C12orf42: variants seen among roughly 807,000 people sequenced by gnomAD.
C12orf42 encodes uncharacterized protein C12orf42.
A neutral mutation model predicts 21.6 loss-of-function variants in C12orf42; 25 were observed. The observed-to-expected ratio is 1.16, with a 90% confidence interval of 0.84 to 1.62. The LOEUF (loss-of-function observed/expected upper bound fraction) is 1.62, where lower values mean the gene tolerates loss of function less well. Ranked by LOEUF, C12orf42 falls within the 40% of genes most tolerant of loss-of-function variation. The probability of loss-of-function intolerance (pLI) is 0.00; values close to 1 mark genes in which losing one functional copy is unlikely to be tolerated. For synonymous variants in C12orf42, 174 were observed against 175.0 expected (o/e 0.99, Z 0.05); for missense variants, 483 against 459.3 (o/e 1.05, Z -0.47).
chr12:103,116,381 A>AAAATATATATATATATAT, the C12orf42 span, among the ~76,000 whole-genome samples: 3 of 136,712 alleles, frequency 2.2e-5, no homozygotes, highest in African/African-American at 8.2e-5. Context: ...AAAAAAAAAA[A>AAAATATATATATATATAT]ATATATATAT....
the C12orf42 span, among the ~76,000 whole-genome samples, chr12:103,186,187 A>T: frequency 6.6e-6 from 1 of 152,206 alleles, no homozygotes; most frequent in Non-Finnish European, 1.5e-5. Flanking sequence ...GAACTAGGTC[A>T]AGAAAGCTAC....
chr12:103,130,084 C>A, the C12orf42 span, among the ~76,000 whole-genome samples: 2 of 152,026 alleles, frequency 1.3e-5, no homozygotes, highest in African/African-American at 4.8e-5. Context: ...TGGCACCTGG[C>A]GTTTTATAAT....
chr12:103,313,119 G>A (rs1264234725), intron 4 of C12orf42, among the ~76,000 whole-genome samples: 1 of 152,100 alleles, frequency 6.6e-6, no homozygotes, highest in African/African-American at 2.4e-5. Context: ...GTCCTAAAAG[G>A]AGAAATGAAA....
the C12orf42 span, among the ~76,000 whole-genome samples, chr12:103,055,964 T>C: frequency 6.6e-6 from 1 of 152,070 alleles, no homozygotes; most frequent in African/African-American, 2.4e-5. Context: ...CATGATATAG[T>C]CTATTTTGGT....
chr12:103,068,813 A>G, the C12orf42 span, among the ~76,000 whole-genome samples: 1 of 150,212 alleles, frequency 6.7e-6, no homozygotes, highest in African/African-American at 2.4e-5. Context: ...CTCAGCTTGC[A>G]GATGGCCTAT....
At chr12:103,180,903 C>T in the C12orf42 span, among the ~76,000 whole-genome samples, 4 of 151,888 alleles carry the variant, frequency 2.6e-5, no homozygotes, top group African/African-American at 9.7e-5. Flanking sequence ...GCTGGCATTA[C>T]AGGCATAAGC....
chr12:103,441,358 C>A (rs984559558), intron 2 of C12orf42: 1 of 152,020 alleles, frequency 6.6e-6, no homozygotes, highest in Non-Finnish European at 1.5e-5. Context: ...TTTTTCCTGT[C>A]GATATAAAAC....
chr12:103,282,724 C>T lies in C12orf42; in HGVS notation n.338-5514G>A, dbSNP rs566599074. On this transcript the variant is annotated intron_variant and non_coding_transcript_variant, in intron 4 of 6. Transcript: ENST00000546526. ...AGCGATGAGGACTCTAATTAAAGTA[C>T]GTAAAGCAGAAGGTCAGCTTTAATT... is the stretch of plus-strand genomic sequence containing the variant. 1.5e-4 allele frequency among the ~76,000 whole-genome samples: 23 copies of T among 152,286 alleles called. No individual in the cohort carries two copies. The South Asian group carries it at 4.1e-3, about 27-fold the overall frequency.
At chr12:103,228,859 A>C in the C12orf42 span, among the ~76,000 whole-genome samples, 4 of 151,312 alleles carry the variant, frequency 2.6e-5, no homozygotes, top group East Asian at 7.8e-4. Context: ...GAAGCATTCT[A>C]GATCAAGCCC....
At chr12:103,129,414 G>T in the C12orf42 span, among the ~76,000 whole-genome samples, 7 of 152,106 alleles carry the variant, frequency 4.6e-5, no homozygotes, top group Non-Finnish European at 8.8e-5. Flanking sequence ...TGAAAGAGGG[G>T]AAGTTTGAGT....
the C12orf42 span, among the ~76,000 whole-genome samples, chr12:103,501,587 C>T: frequency 2.0e-5 from 3 of 152,156 alleles, no homozygotes; most frequent in East Asian, 5.8e-4. Context: ...TTGCTTCTTC[C>T]CACCTGTTCT....
intron 2 of C12orf42, among the ~76,000 whole-genome samples, chr12:103,435,093 C>A (rs1356668035): frequency 6.6e-6 from 1 of 152,118 alleles, no homozygotes; most frequent in Non-Finnish European, 1.5e-5. Flanking sequence ...GTCCCTGACC[C>A]CTGACCCCCG....
the C12orf42 span, among the ~76,000 whole-genome samples, chr12:103,195,625 A>G: frequency 1.3e-5 from 2 of 152,122 alleles, no homozygotes; most frequent in Admixed American, 6.5e-5. Flanking sequence ...TCATTTGCCC[A>G]TTTTTTAATG....
the C12orf42 span, among the ~76,000 whole-genome samples, chr12:103,209,764 A>G: frequency 1.2e-3 from 176 of 152,272 alleles, no homozygotes; most frequent in Non-Finnish European, 1.9e-3. Flanking sequence ...CTCATTGTGC[A>G]TGGCCAGTCA....
At chr12:103,178,824 G>T in the C12orf42 span, 2 of 152,240 alleles carry the variant, frequency 1.3e-5, no homozygotes, top group Non-Finnish European at 2.9e-5. Context: ...GTAGGAGGAA[G>T]AGAAAGTAGA....
At chr12:103,060,767 C>T in the C12orf42 span, among the ~76,000 whole-genome samples, 1 of 152,114 alleles carries the variant, frequency 6.6e-6, no homozygotes, top group Non-Finnish European at 1.5e-5. Flanking sequence ...AACTGGCTAG[C>T]CATATGCAGA....
intron 2 of C12orf42, among the ~76,000 whole-genome samples, chr12:103,409,571 A>G (rs2048674253): frequency 6.6e-6 from 1 of 152,216 alleles, no homozygotes; most frequent in Non-Finnish European, 1.5e-5. Context: ...TTTGATACCC[A>G]TAAAAAAAAC....
chr12:103,071,932 C>T, the C12orf42 span, among the ~76,000 whole-genome samples: 10 of 152,126 alleles, frequency 6.6e-5, no homozygotes, highest in Non-Finnish European at 1.2e-4. Flanking sequence ...GTGTCATGAT[C>T]CATCCCAGCT....
At chr12:103,430,872 C>T (rs1298859231) in intron 2 of C12orf42, among the ~76,000 whole-genome samples, 1 of 152,078 alleles carries the variant, frequency 6.6e-6, no homozygotes, top group Non-Finnish European at 1.5e-5. Flanking sequence ...AACAGAAAAC[C>T]AAACACTGCA....
Sources: gnomAD v4.1 joint callset for allele counts (sites outside exome capture counted in the v4.1 genomes callset) on GRCh38, gnomAD v4.1.1 for gene constraint, MANE v1.5 for transcripts, NCBI Gene and HGNC (gene_info 2026-07-23, HGNC 2026-07-21) for gene names.